Variants in CUL9 observed in about 807,000 individuals in gnomAD.
The protein encoded by CUL9 is cullin 9.
Under a neutral mutation model 272.6 loss-of-function variants are expected in CUL9, and 79 were observed. The ratio of observed to expected loss-of-function variants is 0.29; its 90% CI spans 0.24 to 0.35. The LOEUF is 0.35. Ranked by LOEUF, CUL9 falls within the 10% of genes least tolerant of loss-of-function variation. The probability of loss-of-function intolerance (pLI) is 1.00; values close to 1 mark genes in which losing one functional copy is unlikely to be tolerated. For synonymous variants in CUL9, 1,186 were observed against 1,286.5 expected, an observed-to-expected ratio of 0.92 and a Z score of 1.67; for missense variants, 2,532 against 3,255.6, an observed-to-expected ratio of 0.78 and a Z score of 5.41.
chr6:43,215,041 C>A, intron 29 of CUL9, 38 bp from the exon 30 acceptor site: 3 of 1,555,072 alleles, frequency 1.9e-6, no homozygotes, highest in South Asian at 2.4e-5. Context: ...CTGCTCCCTA[C>A]ATAAAAGTGG....
chr6:43,220,034 T>G lies in CUL9; in HGVS notation c.6283-425T>G, dbSNP rs1248971119. 1.3e-5 allele frequency among the ~76,000 whole-genome samples: 2 copies of G among 152,076 alleles called. No individual in the cohort carries two copies. The highest frequency in any genetic ancestry group is 2.9e-5 in the Non-Finnish European group (2 of 68,006). On this transcript the variant is annotated intron_variant, in intron 31 of 40. Transcript: ENST00000252050. This position sits in a 1 kb window ranked among gnomAD's most constrained non-coding sequence, Gnocchi z 4.9. ...GAGACAGGAGCATCCGGACGGTCAT[T>G]GGAGATAAGCCACTGGAGCTGGGAG...
rs550329805 is a variant in CUL9 at position 43,215,227 on chromosome 6, C to T, written c.5837C>T (p.Pro1946Leu). 2.5e-6 allele frequency: 4 copies of T among 1,614,178 alleles called. No individual in the cohort carries two copies. In the South Asian group the frequency reaches 4.4e-5, roughly 18 times the overall value. Residue 1946 changes from proline to leucine, a missense_variant, in exon 30 of 41, where the codon CCC becomes CTC. Pro to Leu is a moderately conservative substitution (Grantham distance 98, BLOSUM62 -3). Around this residue, in one of 3 missense-constraint regions of CUL9, gnomAD observed 2,218 missense variants for 2,788.6 expected, o/e 0.80. Coordinates refer to ENST00000252050, the MANE Select transcript of CUL9 (RefSeq NM_015089.4). ...QGYVKRRDDR[P>L]QILMYAAPEP... Reference sequence around the variant, plus strand: ...TACGTGAAACGGCGTGATGACCGGCCCCAGATCCTGATGTATGCCGCTCCA... The same window carrying T: ...TACGTGAAACGGCGTGATGACCGGCTCCAGATCCTGATGTATGCCGCTCCA...
At chr6:43,187,681 G>A in intron 6 of CUL9, 32 bp from the exon 7 acceptor site, 2 of 1,600,918 alleles carry the variant, frequency 1.2e-6, no homozygotes, top group Non-Finnish European at 1.7e-6. Flanking sequence ...GTGTCTGCTT[G>A]TCTCTTAAAC....
In CUL9 at chr6:43,188,145, T is replaced by C. The variant is rs781068669; in HGVS notation, c.1987+27T>C. ...TGAGTCAGGTTCTGGGAGGAAGCAA[T>C]TGGAACAAGTCCTGGGTAGTCTCAG... On this transcript the variant is annotated intron_variant, in intron 7 of 40. Transcript: ENST00000252050. 43 of 1,612,180 alleles carry C rather than the reference T, an allele frequency of 2.7e-5. 1 individual carries two copies. In the South Asian group the frequency reaches 4.6e-4, roughly 17 times the overall value.
rs374291463 is a variant in CUL9 at position 43,203,486 on chromosome 6, C to T, written c.3919C>T (p.Arg1307Trp). ...GPKPTFWPLF[R>W]EQLCRRTCLF... The stretch of plus-strand genomic sequence containing the variant: ...TAAGCCCACATTCTGGCCACTGTTC[C>T]GGGAGCAGCTGTGTCGCCGAACATG... Residue 1307 changes from arginine to tryptophan, a missense_variant, in exon 19 of 41, where the codon CGG becomes TGG. Transcript: ENST00000252050. The surrounding 1 kb of genome is among the most constrained non-coding windows in gnomAD (Gnocchi z 5.0). 63 of 1,614,122 alleles carry T rather than the reference C, an allele frequency of 3.9e-5. No individual in the cohort carries two copies. Among genetic ancestry groups the T allele is most frequent in the East Asian group, 4.5e-5 (2 of 44,892 alleles).
Position 43,224,008 on chromosome 6 carries a change from C to A in CUL9, c.7285-87C>A. The A allele has an allele frequency of 7.6e-7, 1 of 1,323,496 alleles. No homozygotes were observed. 82.0% of individuals were successfully genotyped at this position (1,323,496 alleles called of 1,614,324 possible). ...GGAGCAGTCCTAGCAGGAGCTTGGC[C>A]CTCCCAGAGCATCAGTGGAAGGAAT... On this transcript the variant is annotated intron_variant, in intron 39 of 40. Transcript: ENST00000252050. This position sits in a 1 kb window ranked among gnomAD's most constrained non-coding sequence, Gnocchi z 4.2.
At chr6:43,191,481 A>ATTTTTTTTTTTTTTTTTTTTTT (rs34090146) in intron 8 of CUL9, among the ~76,000 whole-genome samples, 25 of 97,440 alleles carry the variant, frequency 2.6e-4, no homozygotes, top group African/African-American at 1.2e-3. Flanking sequence ...CACCCAGCTA[A>ATTTTTTTTTTTTTTTTTTTTTT]TTTTTTTTTT....
At chr6:43,183,002 AAG>A (rs1582268695) in intron 1 of CUL9, among the ~76,000 whole-genome samples, 1 of 152,224 alleles carries the variant, frequency 6.6e-6, no homozygotes, top group East Asian at 1.9e-4. Context: ...ATGCTGTTCC[AAG>A]TGCTTTACAT....
chr6:43,217,953 T>C (rs888262904), intron 31 of CUL9, among the ~76,000 whole-genome samples: 2 of 152,112 alleles, frequency 1.3e-5, no homozygotes, highest in African/African-American at 4.8e-5. Context: ...ATGAGGTAGG[T>C]ATTTTTGTTA....
chr6:43,205,442 G>A lies in CUL9; in HGVS notation c.4793+19G>A. The A allele has an allele frequency of 6.8e-6, 11 of 1,607,694 alleles. No homozygotes were observed. The highest frequency in any genetic ancestry group is 9.4e-6 in the Non-Finnish European group (11 of 1,174,574). ...TCTATCAGTGAGTGCAGGTCTGGAG[G>A]CATAGGGGATGGGAGGCCTAGATCT... On this transcript the variant is annotated intron_variant, in intron 24 of 40. Coordinates refer to ENST00000252050, the MANE Select transcript of CUL9 (RefSeq NM_015089.4).
rs149876731 is a variant in CUL9 at position 43,185,574 on chromosome 6, A to G, written c.714A>G (p.Glu238=). 3 of 1,613,460 alleles carry G rather than the reference A, an allele frequency of 1.9e-6. No homozygotes were observed. The highest frequency in any genetic ancestry group is 1.7e-6 in the Non-Finnish European group (2 of 1,180,042). ...TTGCAGAAACCACATCCTCTGAAGA[A>G]CACTGCATGGCCTTTGAGGGCATTC... ...ELFAETTSSE[E]HCMAFEGIHL... The change falls in exon 3 of 41, where the codon GAA becomes GAG. Residue 238 remains glutamate (E), a synonymous_variant. Transcript: ENST00000252050.
In CUL9 at chr6:43,184,793, C is replaced by G. The variant is rs1772761344; in HGVS notation, c.483C>G (p.Val161=). The change falls in exon 2 of 41, where the codon GTC becomes GTG. Residue 161 remains valine, a synonymous_variant. Coordinates refer to ENST00000252050, the MANE Select transcript of CUL9 (RefSeq NM_015089.4). This position sits in a 1 kb window ranked among gnomAD's most constrained non-coding sequence, Gnocchi z 4.8. The part of the protein sequence containing the change: ...AYASIGPLTG[V]FRETGALDLL... ...CCAGCATCGGGCCCCTCACTGGTGTCTTCAGGGAGACAGGAGCCCTGGACC... is the reference window on the plus strand; with the variant it reads ...CCAGCATCGGGCCCCTCACTGGTGTGTTCAGGGAGACAGGAGCCCTGGACC... 6.2e-7 allele frequency: 1 copy of G among 1,614,068 alleles called. No homozygotes were observed. Among genetic ancestry groups the G allele is most frequent in the East Asian group, 2.2e-5 (1 of 44,890 alleles).
rs764202176 is a variant in CUL9, at chr6:43,196,691, T to C, written c.2632T>C (p.Leu878=). Residue 878 remains leucine (L), a synonymous_variant, in exon 11 of 41, where the codon TTG becomes CTG. Coordinates refer to ENST00000252050, the MANE Select transcript of CUL9 (RefSeq NM_015089.4). ...TGGCTTACTCCTGCTCAACCTACTTTTGTGCAACCACCACACTCTGGGAGA... is the reference window on the plus strand; with the variant it reads ...TGGCTTACTCCTGCTCAACCTACTTCTGTGCAACCACCACACTCTGGGAGA... ...RNGLLLLNLL[L]CNHHTLGDQI... 1.1e-5 allele frequency: 18 copies of C among 1,614,208 alleles called. No individual in the cohort carries two copies. In the South Asian group the frequency reaches 2.0e-4, roughly 18 times the overall value.
At chr6:43,202,917 C>T (rs545496905) in intron 17 of CUL9, 96 bp downstream of exon 17, 6 of 1,314,706 alleles carry the variant, frequency 4.6e-6, no homozygotes, top group Non-Finnish European at 6.5e-6. Context: ...ATGGTGACAT[C>T]CCTTCCCCTT....
chr6:43,193,931 TC>T (rs1773755485), intron 9 of CUL9, among the ~76,000 whole-genome samples: 1 of 152,224 alleles, frequency 6.6e-6, no homozygotes, highest in African/African-American at 2.4e-5. Flanking sequence ...TATTTTTTTT[TC>T]CTCTTTTATC....
Position 43,224,275 on chromosome 6 carries a change from G to A in CUL9, c.7384G>A (p.Ala2462Thr), listed in dbSNP as rs1776628637. Reference protein sequence around the residue: ...SQPQASSGPEAEEEEEDDEDD... With the variant: ...SQPQASSGPETEEEEEDDEDD... ...GCCCCAGGCCTCCTCAGGGCCAGAG[G>A]CAGAAGAGGAGGAGGAAGACGATGA... is the stretch of plus-strand genomic sequence containing the variant. Residue 2462 changes from alanine to threonine, a missense_variant, in exon 41 of 41, where the codon GCA becomes ACA. Coordinates refer to ENST00000252050, the MANE Select transcript of CUL9 (RefSeq NM_015089.4). This position sits in a 1 kb window ranked among gnomAD's most constrained non-coding sequence, Gnocchi z 4.2. 1 of 1,614,214 alleles carries A rather than the reference G, an allele frequency of 6.2e-7. No homozygotes were observed. The highest frequency in any genetic ancestry group is 2.2e-5 in the East Asian group (1 of 44,890).
intron 16 of CUL9, among the ~76,000 whole-genome samples, chr6:43,201,573 G>C (rs1364243794): frequency 6.6e-6 from 1 of 152,100 alleles, no homozygotes; most frequent in Non-Finnish European, 1.5e-5. Flanking sequence ...TCTGCCTCCC[G>C]GGTTCACCCC....
intron 20 of CUL9, 104 bp from the exon 21 acceptor site, chr6:43,204,256 C>A (rs1229753759): frequency 1.4e-6 from 2 of 1,389,656 alleles, no homozygotes; most frequent in African/African-American, 1.4e-5. Context: ...GGCCCCACTA[C>A]CCCTCAAGCC....
rs932647603 is a variant in CUL9, at chr6:43,203,714, C to T, written c.4025+122C>T. On this transcript the variant is annotated intron_variant, in intron 19 of 40. Coordinates refer to ENST00000252050, the MANE Select transcript of CUL9 (RefSeq NM_015089.4). This position sits in a 1 kb window ranked among gnomAD's most constrained non-coding sequence, Gnocchi z 5.0. Reference sequence around the variant, plus strand: ...GCCAGGACATGAGGGGGAAGGTGAACGTAGGTGAGAAGTTTGTGTTAATTG... The same window carrying T: ...GCCAGGACATGAGGGGGAAGGTGAATGTAGGTGAGAAGTTTGTGTTAATTG... The T allele has an allele frequency of 1.2e-5, 18 of 1,504,182 alleles. No individual in the cohort carries two copies. The East Asian group carries it at 2.3e-4, about 19-fold the overall frequency. The allele number at this position is 1,504,182 out of a possible 1,614,324, so 93.2% of individuals were successfully genotyped here.
Sources: allele counts gnomAD v4.1 joint callset (sites outside exome capture counted in the v4.1 genomes callset), GRCh38; gene constraint gnomAD v4.1.1; regional missense constraint gnomAD v4.1.1; non-coding constraint Gnocchi (gnomAD v3.1); transcripts MANE v1.5; gene names NCBI Gene and HGNC (gene_info 2026-07-23, HGNC 2026-07-21).